Variants in CNTNAP4 observed in about 807,000 individuals in gnomAD.
CNTNAP4 encodes contactin-associated protein-like 4.
Under a neutral mutation model 148.4 loss-of-function variants are expected in CNTNAP4, and 98 were observed. The ratio of observed to expected loss-of-function variants is 0.66; its 90% CI spans 0.56 to 0.78. CNTNAP4 has a LOEUF of 0.78. Ranked by LOEUF, CNTNAP4 falls within the 30% of genes least tolerant of loss-of-function variation. CNTNAP4 has a pLI of 0.00. For synonymous variants in CNTNAP4, 730 were observed against 565.1 expected (o/e 1.29, Z -4.14); for missense variants, 1,935 against 1,565.6 (o/e 1.24, Z -3.98).
At position 76,427,605 on chromosome 16, in the gene CNTNAP4, T is replaced by G; in HGVS notation, c.538+6T>G. ...AGTGTTCGGATGTGCATACAGTAAG[T>G]GTTTGTTTATCCAATACACTGACAT... On this transcript the variant is annotated splice_donor_region_variant and intron_variant, in intron 4 of 23. Coordinates refer to ENST00000611870, the MANE Select transcript of CNTNAP4 (RefSeq NM_033401.5). The G allele has an allele frequency of 6.2e-7, 1 of 1,601,226 alleles. No individual in the cohort carries two copies. The highest frequency in any genetic ancestry group is 2.2e-5 in the East Asian group (1 of 44,664).
intron 3 of CNTNAP4, among the ~76,000 whole-genome samples, chr16:76,409,278 G>A (rs1301946363): frequency 1.3e-5 from 2 of 151,658 alleles, no homozygotes; most frequent in African/African-American, 4.8e-5. Context: ...AAACACTTAT[G>A]GTTATTCTAT....
intron 1 of CNTNAP4, among the ~76,000 whole-genome samples, chr16:76,282,169 A>C (rs1958714293): frequency 1.3e-5 from 2 of 151,906 alleles, no homozygotes; most frequent in Non-Finnish European, 2.9e-5. Flanking sequence ...ACGCAATGCT[A>C]TTATTGCCAG....
intron 2 of CNTNAP4, among the ~76,000 whole-genome samples, chr16:76,335,652 C>CT (rs1423290483): frequency 1.3e-5 from 2 of 152,106 alleles, no homozygotes; most frequent in Non-Finnish European, 2.9e-5. Flanking sequence ...GAAAGATGTG[C>CT]TTAGGGTACG....
chr16:76,518,697 G>A (rs576230119), intron 15 of CNTNAP4, among the ~76,000 whole-genome samples: 23 of 152,144 alleles, frequency 1.5e-4, no homozygotes, highest in African/African-American at 5.3e-4. Context: ...CTGGGAGTTG[G>A]GAACATTTGA....
intron 3 of CNTNAP4, among the ~76,000 whole-genome samples, chr16:76,362,818 T>A (rs2144559447): frequency 6.6e-6 from 1 of 152,272 alleles, no homozygotes; most frequent in Non-Finnish European, 1.5e-5. Context: ...ATTACCTAGG[T>A]CACAAAATAA....
intron 3 of CNTNAP4, among the ~76,000 whole-genome samples, chr16:76,389,478 G>C (rs919216498): frequency 4.6e-5 from 7 of 152,056 alleles, no homozygotes; most frequent in Non-Finnish European, 1.0e-4. Context: ...GTTTGAGACA[G>C]TATCTCCCTC....
intron 3 of CNTNAP4, among the ~76,000 whole-genome samples, chr16:76,370,821 T>C (rs2014726123): frequency 6.6e-6 from 1 of 152,150 alleles, no homozygotes. Flanking sequence ...TTTCAACCCA[T>C]AAAGAAAATA....
intron 3 of CNTNAP4, among the ~76,000 whole-genome samples, chr16:76,415,625 T>C (rs1047299361): frequency 5.1e-5 from 7 of 138,090 alleles, no homozygotes; most frequent in Non-Finnish European, 3.3e-5. Flanking sequence ...TGAGTTCTGA[T>C]AAATGTAAAC....
At chr16:76,374,062 T>A (rs74026754) in intron 3 of CNTNAP4, among the ~76,000 whole-genome samples, 5,591 of 152,276 alleles carry the variant, frequency 0.037, 311 homozygotes, top group African/African-American at 0.13. Flanking sequence ...TTGAATACCA[T>A]TCTTTCATTT....
intron 1 of CNTNAP4, among the ~76,000 whole-genome samples, chr16:76,291,339 T>C (rs966852878): frequency 3.9e-5 from 6 of 152,146 alleles, no homozygotes; most frequent in Non-Finnish European, 7.4e-5. Flanking sequence ...TGGCATGGCA[T>C]TCTCATCCAT....
intron 1 of CNTNAP4, among the ~76,000 whole-genome samples, chr16:76,290,273 T>A (rs1462776756): frequency 6.6e-6 from 1 of 152,144 alleles, no homozygotes; most frequent in Non-Finnish European, 1.5e-5. Context: ...AAATGGAAAG[T>A]GCCCATCTTC....
chr16:76,477,469 C>T (rs564197464), intron 11 of CNTNAP4, among the ~76,000 whole-genome samples: 31 of 152,116 alleles, frequency 2.0e-4, no homozygotes, highest in Non-Finnish European at 4.1e-4. Context: ...GCATTGTGCT[C>T]CTGCCAGTGT....
intron 2 of CNTNAP4, among the ~76,000 whole-genome samples, chr16:76,323,149 A>G (rs754353668): frequency 2.6e-5 from 4 of 152,102 alleles, no homozygotes; most frequent in Non-Finnish European, 5.9e-5. Context: ...ATCTGGCAAT[A>G]TTCCTGATTA....
At chr16:76,543,090 A>T (rs2084533951) in intron 21 of CNTNAP4, among the ~76,000 whole-genome samples, 1 of 152,334 alleles carries the variant, frequency 6.6e-6, no homozygotes, top group Non-Finnish European at 1.5e-5. Flanking sequence ...CAAGAGTTGC[A>T]TATTATCCAA....
intron 3 of CNTNAP4, among the ~76,000 whole-genome samples, chr16:76,390,499 C>G (rs1002410676): frequency 6.6e-6 from 1 of 151,688 alleles, no homozygotes; most frequent in Non-Finnish European, 1.5e-5. Flanking sequence ...CTTGTCTCAT[C>G]AGGCGTTCAC....
chr16:76,486,691 A>T (rs1173522489), intron 12 of CNTNAP4, among the ~76,000 whole-genome samples: 4 of 152,220 alleles, frequency 2.6e-5, no homozygotes, highest in African/African-American at 9.6e-5. Context: ...TAAGAGTAAT[A>T]AAAACCTAAG....
rs1224960770 is a variant in CNTNAP4 at position 76,458,532 on chromosome 16, C to G, written c.1334-3424C>G. Among the ~76,000 whole-genome samples, 5 of 151,948 alleles carry G rather than the reference C, an allele frequency of 3.3e-5. 1 individual carries two copies. Among genetic ancestry groups the G allele is most frequent in the Non-Finnish European group, 7.4e-5 (5 of 67,990 alleles). On this transcript the variant is annotated intron_variant, in intron 8 of 23. Transcript: ENST00000611870. ...ATCTGGGGGTGATTTGAGACAGTGA[C>G]CATCAAGCATTAGATTCTCATTAGG... is the stretch of plus-strand genomic sequence containing the variant.
At chr16:76,331,659 A>G (rs1479470932) in intron 2 of CNTNAP4, among the ~76,000 whole-genome samples, 1 of 152,130 alleles carries the variant, frequency 6.6e-6, no homozygotes, top group East Asian at 1.9e-4. Context: ...GATTTTCACA[A>G]ATTATATCCT....
At chr16:76,356,795 A>T (rs1156724692) in intron 3 of CNTNAP4, among the ~76,000 whole-genome samples, 1 of 152,124 alleles carries the variant, frequency 6.6e-6, no homozygotes, top group East Asian at 1.9e-4. Context: ...GAAACTTCAT[A>T]GAACTCCGTT....
Sources: allele counts gnomAD v4.1 joint callset (sites outside exome capture counted in the v4.1 genomes callset), GRCh38; gene constraint gnomAD v4.1.1; transcripts MANE v1.5; gene names NCBI Gene and HGNC (gene_info 2026-07-23, HGNC 2026-07-21).